LINGO2: variants seen among roughly 807,000 people sequenced by gnomAD.
LINGO2 encodes the protein leucine-rich repeat and immunoglobulin-like domain-containing nogo receptor-interacting protein 2.
In LINGO2, 14 loss-of-function variants were observed where a neutral mutation model predicts 30.6. The observed-to-expected ratio is 0.46, with a 90% CI of 0.30 to 0.72. The LOEUF (loss-of-function observed/expected upper bound fraction) is 0.72. LINGO2 is among the 30% of genes least tolerant of loss of function. The pLI is 0.07. For missense variants in LINGO2, 729 were observed against 751.7 expected, an observed-to-expected ratio of 0.97 and a Z score of 0.35; for synonymous variants, 317 against 288.5, an observed-to-expected ratio of 1.10 and a Z score of -1.00.
At chr9:28,327,764 G>T (rs1001459716) in intron 3 of LINGO2, among the ~76,000 whole-genome samples, 1 of 152,148 alleles carries the variant, frequency 6.6e-6, no homozygotes, top group Non-Finnish European at 1.5e-5. Context: ...TATACTGGCA[G>T]CTGTTCTTAC....
chr9:28,344,188 A>G lies in LINGO2; in HGVS notation c.-246+28648T>C, dbSNP rs111853764. Among the ~76,000 whole-genome samples, 1,012 of 152,278 alleles carry G rather than the reference A, an allele frequency of 6.6e-3. 27 individuals carry two copies. Among genetic ancestry groups the G allele is most frequent in the African/African-American group, 0.023 (946 of 41,560 alleles). On this transcript the variant is annotated intron_variant, in intron 3 of 5. Transcript: ENST00000379992. Reference sequence around the variant, plus strand: ...GAGTGACCCTACATAATTATTCACAAATTTCATTTAATAACAGAAAAACAA... The same window carrying G: ...GAGTGACCCTACATAATTATTCACAGATTTCATTTAATAACAGAAAAACAA...
chr9:28,326,609 A>C (rs1825238927), intron 3 of LINGO2, among the ~76,000 whole-genome samples: 1 of 152,224 alleles, frequency 6.6e-6, no homozygotes, highest in Admixed American at 6.5e-5. Context: ...ATTAAGAACT[A>C]TATTGGCATC....
At chr9:28,972,380 T>C in the LINGO2 span, among the ~76,000 whole-genome samples, 766 of 152,270 alleles carry the variant, frequency 5.0e-3, 12 homozygotes, top group African/African-American at 0.017. Flanking sequence ...AATAACTGTG[T>C]TGAGGAAACT....
chr9:28,504,065 A>G lies in LINGO2; in HGVS notation c.-364-28040T>C, dbSNP rs139187946. On this transcript the variant is annotated intron_variant, in intron 1 of 5. Transcript: ENST00000379992. Reference sequence around the variant, plus strand: ...AAAACTATCATCAAAGGTCAGATCTATAGTGCCTACGGTTCACTAATCTAT... The same window carrying G: ...AAAACTATCATCAAAGGTCAGATCTGTAGTGCCTACGGTTCACTAATCTAT... 3.9e-3 allele frequency among the ~76,000 whole-genome samples: 596 copies of G among 151,996 alleles called. 6 individuals are homozygous for G. Among genetic ancestry groups the G allele is most frequent in the African/African-American group, 0.014 (570 of 41,536 alleles).
At chr9:28,212,728 C>A (rs550593070) in intron 4 of LINGO2, among the ~76,000 whole-genome samples, 1 of 151,328 alleles carries the variant, frequency 6.6e-6, no homozygotes, top group South Asian at 2.1e-4. Flanking sequence ...AAAAATCAAA[C>A]CCTCAGTCAC....
chr9:28,018,757 T>C (rs1384323624), intron 4 of LINGO2, among the ~76,000 whole-genome samples: 4 of 152,180 alleles, frequency 2.6e-5, no homozygotes, highest in African/African-American at 7.2e-5. Flanking sequence ...GAATGTAAAT[T>C]AGTTCAGCTA....
At chr9:28,750,012 T>C in the LINGO2 span, among the ~76,000 whole-genome samples, 1 of 152,198 alleles carries the variant, frequency 6.6e-6, no homozygotes, top group African/African-American at 2.4e-5. Context: ...CTAGAATAAA[T>C]GGGAAGCTCT....
intron 3 of LINGO2, among the ~76,000 whole-genome samples, 193 bp downstream of exon 5, chr9:28,372,643 A>G (rs1587562220): frequency 1.3e-5 from 2 of 152,128 alleles, no homozygotes; most frequent in Non-Finnish European, 2.9e-5. Context: ...AGTATTTTAT[A>G]TTTGAAAATT....
intron 4 of LINGO2, among the ~76,000 whole-genome samples, chr9:28,012,656 C>A (rs1203376322): frequency 3.3e-5 from 5 of 152,046 alleles, no homozygotes; most frequent in Non-Finnish European, 5.9e-5. Context: ...CTGGCCAAGA[C>A]ACTTTACTCC....
the LINGO2 span, among the ~76,000 whole-genome samples, chr9:28,769,512 ATATATATTTTTTTTTTTTTTTTT>A: frequency 0.012 from 27 of 2,250 alleles, 5 homozygotes; most frequent in South Asian, 0.077. Context: ...ATATATATAT[ATATATATTTTTTTTTTTTTTTTT>A]TTTTTTTTTT....
the LINGO2 span, among the ~76,000 whole-genome samples, chr9:28,724,421 C>A: frequency 6.6e-6 from 1 of 152,120 alleles, no homozygotes; most frequent in Admixed American, 6.6e-5. Context: ...CATTCAGCAA[C>A]CTGCATTAAA....
At chr9:29,091,588 C>A in the LINGO2 span, among the ~76,000 whole-genome samples, 3 of 151,946 alleles carry the variant, frequency 2.0e-5, no homozygotes, top group Non-Finnish European at 4.4e-5. Flanking sequence ...AGAAATGAAG[C>A]CTCCTTTGCA....
intron 4 of LINGO2, among the ~76,000 whole-genome samples, chr9:28,150,097 G>A (rs563287538): frequency 4.9e-4 from 74 of 151,014 alleles, no homozygotes; most frequent in African/African-American, 1.7e-3. Flanking sequence ...AGTGAGGAGT[G>A]CTTCTGCCCA....
chr9:28,880,839 G>T, the LINGO2 span, among the ~76,000 whole-genome samples: 1 of 152,110 alleles, frequency 6.6e-6, no homozygotes, highest in Non-Finnish European at 1.5e-5. Flanking sequence ...ATCCTGCCTT[G>T]TTATTCTTTA....
At chr9:28,702,437 C>G in the LINGO2 span, among the ~76,000 whole-genome samples, 1 of 151,674 alleles carries the variant, frequency 6.6e-6, no homozygotes, top group African/African-American at 2.4e-5. Flanking sequence ...ATAGATTTTT[C>G]AAATCTATTA....
At chr9:28,795,848 A>G in the LINGO2 span, among the ~76,000 whole-genome samples, 1 of 152,088 alleles carries the variant, frequency 6.6e-6, no homozygotes, top group African/African-American at 2.4e-5. Flanking sequence ...AAGGAAACTC[A>G]TGCTTATTCA....
At chr9:28,851,118 C>T in the LINGO2 span, among the ~76,000 whole-genome samples, 2 of 151,994 alleles carry the variant, frequency 1.3e-5, no homozygotes, top group Non-Finnish European at 2.9e-5. Flanking sequence ...GCCCGATGCT[C>T]ACTTGGTGAA....
At chr9:28,988,602 A>C in the LINGO2 span, among the ~76,000 whole-genome samples, 1 of 152,030 alleles carries the variant, frequency 6.6e-6, no homozygotes, top group Non-Finnish European at 1.5e-5. Flanking sequence ...GTATTGATAC[A>C]TTACCCCAGG....
At chr9:28,914,898 C>T in the LINGO2 span, among the ~76,000 whole-genome samples, 4 of 152,208 alleles carry the variant, frequency 2.6e-5, no homozygotes, top group African/African-American at 4.8e-5. Context: ...TTTGGGAGGC[C>T]GAGGCAGGCG....
Sources: allele counts gnomAD v4.1 joint callset (sites outside exome capture counted in the v4.1 genomes callset), GRCh38; gene constraint gnomAD v4.1.1; transcripts MANE v1.5; gene names NCBI Gene and HGNC (gene_info 2026-07-23, HGNC 2026-07-21).